Variants in SLC35B2 observed in about 807,000 individuals in gnomAD.
The protein encoded by SLC35B2 is solute carrier family 35 member B2.
Under a neutral mutation model 37.9 loss-of-function variants are expected in SLC35B2, and 19 were observed. The ratio of observed to expected loss-of-function variants is 0.50; its 90% CI spans 0.35 to 0.74. The LOEUF is 0.74. Among genes scored for constraint, SLC35B2 ranks in the 30% least tolerant of loss-of-function variants. The pLI is 0.01. For missense variants in SLC35B2, 633 were observed against 547.6 expected (o/e 1.16, Z -1.56); for synonymous variants, 277 against 225.2 (o/e 1.23, Z -2.06).
rs3832441 is a variant in SLC35B2 at position 44,254,424 on chromosome 6, C to CTG, written c.*280_*281dup. 290,152 of 396,588 alleles carry CTG rather than the reference C, an allele frequency of 0.73. 106,949 individuals carry two copies. The highest frequency in any genetic ancestry group is 0.79 in the Middle Eastern group (1,657 of 2,100). The allele number at this position is 396,588 out of a possible 1,614,324, so 24.6% of individuals were successfully genotyped here. A position where few individuals can be genotyped will look rare whatever the true frequency, so the allele number is the denominator to read the frequency against. On this transcript the variant is annotated 3_prime_UTR_variant, in exon 4 of 4. Coordinates refer to ENST00000393812, the MANE Select transcript of SLC35B2 (RefSeq NM_178148.4). The stretch of plus-strand genomic sequence containing the variant: ...TTAAGGGAACTTGTGGGAAGAGTAA[C>CTG]TGGAACCTACCTATGCTCTCTTGAC...
chr6:44,255,561 G>A lies in SLC35B2; in HGVS notation c.444C>T (p.Arg148=). The change falls in exon 4 of 4, where the codon CGC becomes CGT. Residue 148 remains arginine (R), a synonymous_variant. Transcript: ENST00000393812. The stretch of plus-strand genomic sequence containing the variant: ...GCACCAGGAACTGCGAGTCCGTAAA[G>A]CGCTCACCCGGTGATGTGGCTGTGG... ...YGATATSPGE[R]FTDSQFLVLM... is the part of the protein sequence containing the mutation. The A allele has an allele frequency of 6.2e-7, 1 of 1,614,202 alleles. No homozygotes were observed. The highest frequency in any genetic ancestry group is 8.5e-7 in the Non-Finnish European group (1 of 1,180,046).
At chr6:44,256,962 C>G (rs1015849076) in intron 1 of SLC35B2, 84 bp from the exon 2 acceptor site, 1 of 1,382,754 alleles carries the variant, frequency 7.2e-7, no homozygotes, top group Non-Finnish European at 9.7e-7. Flanking sequence ...GAGTAGTGCC[C>G]GGAGTCTCCT....
In SLC35B2 at chr6:44,254,694, C is replaced by G; in HGVS notation, c.*12G>C. The G allele has an allele frequency of 6.3e-7, 1 of 1,598,462 alleles. No homozygotes were observed. The highest frequency in any genetic ancestry group is 8.5e-7 in the Non-Finnish European group (1 of 1,169,934). On this transcript the variant is annotated 3_prime_UTR_variant, in exon 4 of 4. Transcript: ENST00000393812. ...GTCCTATTTCACTTCACCCCTCAGG[C>G]CCTTTCCACCCTCAAACCTTCTGCA...
chr6:44,257,149 G>A (rs939293215), intron 1 of SLC35B2: 3 of 516,658 alleles, frequency 5.8e-6, no homozygotes, highest in Non-Finnish European at 9.6e-6. Context: ...CGGCTGCTCA[G>A]GTCAGAGGAA....
Position 44,256,806 on chromosome 6 carries a change from CG to C in SLC35B2, c.83del (p.Pro28ArgfsTer14). 6.2e-7 allele frequency: 1 copy of C among 1,614,106 alleles called. No homozygotes were observed. The highest frequency in any genetic ancestry group is 8.5e-7 in the Non-Finnish European group (1 of 1,179,976). On this transcript the variant is annotated frameshift_variant, in exon 2 of 4. Transcript: ENST00000393812. LOFTEE classifies it high-confidence loss of function. ...AGAACCATAGCTGGGTCCATGACTC[CG>C]GAGGGGCTTCGGGAGTCTCCCCACC... The part of the protein sequence containing the change: ...GAGGETPEAP[P>X]ESWTQLWFFR...
Position 44,255,450 on chromosome 6 carries a change from C to A in SLC35B2, c.555G>T (p.Arg185=). Residue 185 remains arginine, a synonymous_variant, in exon 4 of 4, where the codon CGG becomes CGT. Coordinates refer to ENST00000393812, the MANE Select transcript of SLC35B2 (RefSeq NM_178148.4). ...KQPRHGAPMY[R]YSFASLSNVL... Reference sequence around the variant, plus strand: ...CATTGGACAGGCTGGCAAAGGAGTACCGGTACATGGGTGCCCCATGCCGGG... The same window carrying A: ...CATTGGACAGGCTGGCAAAGGAGTAACGGTACATGGGTGCCCCATGCCGGG... 15 of 1,614,258 alleles carry A rather than the reference C, an allele frequency of 9.3e-6. No individual in the cohort carries two copies. The highest frequency in any genetic ancestry group is 1.3e-5 in the Non-Finnish European group (15 of 1,180,048).
At chr6:44,256,618 G>A (rs747316688) in intron 2 of SLC35B2, 67 bp downstream of exon 2, 35 of 1,610,652 alleles carry the variant, frequency 2.2e-5, no homozygotes, top group Non-Finnish European at 2.6e-5. Flanking sequence ...GTCATATCCC[G>A]TTTGGACTGC....
chr6:44,254,268 C>CCAT lies in SLC35B2; in HGVS notation c.*435_*437dup, dbSNP rs1781113513. 4.9e-6 allele frequency: 1 copy of CCAT among 204,182 alleles called. No homozygotes were observed. Among genetic ancestry groups the CCAT allele is most frequent in the East Asian group, 1.3e-4 (1 of 7,842 alleles). The allele number at this position is 204,182 out of a possible 1,614,324, so 12.6% of individuals were successfully genotyped here. On this transcript the variant is annotated 3_prime_UTR_variant, in exon 4 of 4. Coordinates refer to ENST00000393812, the MANE Select transcript of SLC35B2 (RefSeq NM_178148.4). ...TGCATCCCCTTTCCTCAGCACAGCA[C>CCAT]CATCTTCACCCTCCTGGGAAAGCAG...
intron 2 of SLC35B2, 82 bp from the exon 3 acceptor site, chr6:44,256,578 T>A: frequency 6.2e-7 from 1 of 1,611,776 alleles, no homozygotes. Flanking sequence ...TGCCCTGCTG[T>A]CCGGCCTACC....
At chr6:44,256,243 C>T in intron 3 of SLC35B2, 99 bp downstream of exon 3, 1 of 1,473,700 alleles carries the variant, frequency 6.8e-7, no homozygotes, top group Non-Finnish European at 9.1e-7. Context: ...CGAAACACAC[C>T]AGCCAGCAAA....
chr6:44,256,526 A>C (rs556561182), intron 2 of SLC35B2, 30 bp from the exon 3 acceptor site: 6 of 1,613,926 alleles, frequency 3.7e-6, no homozygotes, highest in South Asian at 3.3e-5. Context: ...TCAAGCCCCA[A>C]ATCTTCTCCA....
At chr6:44,257,336 A>G (rs1781670684) in intron 1 of SLC35B2, 64 bp downstream of exon 1, 3 of 1,323,106 alleles carry the variant, frequency 2.3e-6, no homozygotes, top group Non-Finnish European at 2.9e-6. Context: ...CCCCGTGCTG[A>G]GGCGCGGCAG....
intron 3 of SLC35B2, 104 bp downstream of exon 3, chr6:44,256,238 C>T (rs1781480690): frequency 7.6e-6 from 11 of 1,452,662 alleles, no homozygotes; most frequent in Non-Finnish European, 1.0e-5. Flanking sequence ...GGACACGAAA[C>T]ACACCAGCCA....
chr6:44,257,689 A>G (rs1258678138), upstream of SLC35B2: 1 of 168,096 alleles, frequency 5.9e-6, no homozygotes, highest in Non-Finnish European at 1.3e-5. Flanking sequence ...GGGGAGCCCC[A>G]GCCCTGAAGA....
In SLC35B2 at chr6:44,257,417, G is replaced by A; in HGVS notation, c.-7C>T. The A allele has an allele frequency of 1.6e-6, 2 of 1,264,004 alleles. No individual in the cohort carries two copies. Among genetic ancestry groups the A allele is most frequent in the Non-Finnish European group, 1.0e-6 (1 of 997,312 alleles). The allele number at this position is 1,264,004 out of a possible 1,614,324, so 78.3% of individuals were successfully genotyped here. A position where few individuals can be genotyped will look rare whatever the true frequency, so the allele number is the denominator to read the frequency against. ...GCCCCCACCTGGCGTCCATGGTCCA[G>A]GCCGCGTGGGGTGGAGGGGGAACCG... On this transcript the variant is annotated 5_prime_UTR_variant, in exon 1 of 4. Coordinates refer to ENST00000393812, the MANE Select transcript of SLC35B2 (RefSeq NM_178148.4).
At chr6:44,257,565 C>A, upstream of SLC35B2, 1 of 636,552 alleles carries the variant, frequency 1.6e-6, no homozygotes, top group Non-Finnish European at 2.1e-6. Flanking sequence ...GCGGCCCCCT[C>A]CGCCCCTGCC....
intron 1 of SLC35B2, 134 bp from the exon 2 acceptor site, chr6:44,257,012 CCT>C (rs36092647): frequency 0.12 from 83,340 of 714,376 alleles, no homozygotes; most frequent in South Asian, 0.17. Flanking sequence ...GGACAAAGAG[CCT>C]CTCTCTCTCT....
In SLC35B2 at chr6:44,256,874, A is replaced by G. The variant is rs755106688; in HGVS notation, c.16T>C (p.Trp6Arg). ...AACGCAGCCAGCACCACCACTGCCC[A>G]CCATCTGTAAGGAAAGCGGACATAA... MDARW[W>R]AVVVLAAFPS... Residue 6 changes from tryptophan to arginine, a missense_variant, in exon 2 of 4, where the codon TGG becomes CGG. Transcript: ENST00000393812. 5.0e-6 allele frequency: 8 copies of G among 1,604,982 alleles called. No homozygotes were observed. The highest frequency in any genetic ancestry group is 6.0e-6 in the Non-Finnish European group (7 of 1,175,748).
chr6:44,255,714 T>A (rs546596273), intron 3 of SLC35B2, 70 bp from the exon 4 acceptor site: 6 of 1,437,748 alleles, frequency 4.2e-6, no homozygotes, highest in Non-Finnish European at 5.6e-6. Context: ...AATTGACCTC[T>A]CTCTCTTCAG....
Sources: allele counts gnomAD v4.1 joint callset, GRCh38; gene constraint gnomAD v4.1.1; transcripts MANE v1.5; gene names NCBI Gene and HGNC (gene_info 2026-07-23, HGNC 2026-07-21).